Variants in DIAPH2 observed in about 807,000 individuals in gnomAD.
DIAPH2 encodes protein diaphanous homolog 2.
DIAPH2 carries 35 observed loss-of-function variants against 92.7 expected under a neutral mutation model. That is an observed-to-expected ratio of 0.38 (90% CI 0.29 to 0.50). DIAPH2 has a LOEUF of 0.50. DIAPH2 is among the 20% of genes least tolerant of loss of function. The pLI is 0.94. For missense variants in DIAPH2, 701 were observed against 819.5 expected (o/e 0.86, Z 1.77); for synonymous variants, 301 against 280.4 (o/e 1.07, Z -0.73).
intron 22 of DIAPH2, among the ~76,000 whole-genome samples, chrX:97,144,857 C>T (rs951354996): frequency 1.8e-5 from 2 of 111,599 alleles, no homozygotes; most frequent in Non-Finnish European, 3.8e-5. Context: ...ATCTGCCTCC[C>T]GCGCTCAAGC....
At chrX:97,543,043 T>C (rs764108353) in intron 26 of DIAPH2, among the ~76,000 whole-genome samples, 175 of 112,461 alleles carry the variant, frequency 1.6e-3, no homozygotes, top group Non-Finnish European at 2.8e-3. Context: ...AAATCATTGT[T>C]CACGATTCTG....
intron 26 of DIAPH2, among the ~76,000 whole-genome samples, chrX:97,449,345 A>G (rs923849391): frequency 8.9e-6 from 1 of 112,002 alleles, no homozygotes; most frequent in Non-Finnish European, 1.9e-5. Context: ...TAGCATTCAA[A>G]TCTGGTGTTA....
At chrX:97,061,441 T>C (rs2066596740) in intron 17 of DIAPH2, among the ~76,000 whole-genome samples, 1 of 112,009 alleles carries the variant, frequency 8.9e-6, no homozygotes, top group African/African-American at 3.2e-5. Flanking sequence ...TTTTGCATAT[T>C]CCAAGTCTTT....
chrX:97,055,924 G>A (rs1392502907), intron 17 of DIAPH2, among the ~76,000 whole-genome samples: 3 of 111,743 alleles, frequency 2.7e-5, no homozygotes, highest in Non-Finnish European at 5.6e-5. Flanking sequence ...AGAGTTGAAT[G>A]ATAGCAAGGT....
intron 3 of DIAPH2, among the ~76,000 whole-genome samples, chrX:96,740,281 A>G (rs1276142819): frequency 9.0e-6 from 1 of 111,639 alleles, no homozygotes; most frequent in Non-Finnish European, 1.9e-5. Context: ...TGTGTCTTTA[A>G]TTGCTAGTAT....
intron 23 of DIAPH2, among the ~76,000 whole-genome samples, chrX:97,283,883 A>G (rs1239012724): frequency 1.8e-5 from 2 of 112,476 alleles, no homozygotes; most frequent in African/African-American, 3.2e-5. Flanking sequence ...TGGAGGTTGC[A>G]GTGAGTCGAG....
chrX:97,269,632 C>A (rs991923753), intron 23 of DIAPH2, among the ~76,000 whole-genome samples: 3 of 111,674 alleles, frequency 2.7e-5, no homozygotes, highest in African/African-American at 9.8e-5. Flanking sequence ...AGGAAGCATA[C>A]TGGGTCAGTT....
rs181983660 is a variant in DIAPH2 at position 97,391,339 on chromosome X, T to C, written c.3145+7295T>C. Among the ~76,000 whole-genome samples the C allele has an allele frequency of 5.6e-3, 629 of 111,668 alleles. 2 individuals are homozygous for C. Among genetic ancestry groups the C allele is most frequent in the African/African-American group, 0.019 (595 of 30,745 alleles). On this transcript the variant is annotated intron_variant, in intron 25 of 26. Coordinates refer to ENST00000324765, the MANE Select transcript of DIAPH2 (RefSeq NM_006729.5). ...ATGGGGCGTGAAAGCCTATGGAAGA[T>C]GTGAGTGAAGTGTCATCAGAAAGTG...
In DIAPH2 at chrX:96,939,668, A is replaced by ATT. The variant is rs752101731; in HGVS notation, c.1325+299_1325+300dup. Among the ~76,000 whole-genome samples, 15 of 48,239 alleles carry ATT rather than the reference A, an allele frequency of 3.1e-4. 2 individuals carry two copies. Among genetic ancestry groups the ATT allele is most frequent in the East Asian group, 5.4e-4 (1 of 1,860 alleles). The allele number at this position is 48,239 out of a possible 115,157, so 41.9% of individuals were successfully genotyped here. A position where few individuals can be genotyped will look rare whatever the true frequency, so the allele number is the denominator to read the frequency against. On this transcript the variant is annotated intron_variant, in intron 12 of 26. Transcript: ENST00000324765. ...ATAAGAGTTTGACTCTTTAGGTAACATTTTTTTTTTTTTTGAGACGGAGTT... is the reference window on the plus strand; with the variant it reads ...ATAAGAGTTTGACTCTTTAGGTAACATTTTTTTTTTTTTTTTGAGACGGAGTT...
chrX:96,754,850 G>A (rs6620151), intron 3 of DIAPH2, among the ~76,000 whole-genome samples: 9,400 of 101,402 alleles, frequency 0.093, 499 homozygotes, highest in East Asian at 0.32. Flanking sequence ...CTTGAACTTG[G>A]GAAGCGGAGG....
At chrX:97,129,089 ATCTTTTCTTTTCTTTTCTTT>A (rs771560890) in intron 21 of DIAPH2, among the ~76,000 whole-genome samples, 1,584 of 64,456 alleles carry the variant, frequency 0.025, 23 homozygotes, top group Non-Finnish European at 0.035. Flanking sequence ...TGTCTATACC[ATCTTTTCTTTTCTTTTCTTT>A]TCTTTTCTTT....
chrX:97,526,800 A>G (rs1394014054), intron 26 of DIAPH2, among the ~76,000 whole-genome samples: 1 of 111,821 alleles, frequency 8.9e-6, no homozygotes, highest in Non-Finnish European at 1.9e-5. Flanking sequence ...CACCTTTCCT[A>G]GTCCACACCC....
At chrX:97,353,247 G>A (rs763994103) in intron 24 of DIAPH2, among the ~76,000 whole-genome samples, 8 of 110,758 alleles carry the variant, frequency 7.2e-5, no homozygotes, top group Non-Finnish European at 1.3e-4. Context: ...ATAGTTGACT[G>A]CACAAATAGT....
intron 22 of DIAPH2, among the ~76,000 whole-genome samples, chrX:97,232,824 G>A (rs1358164465): frequency 3.6e-5 from 4 of 111,890 alleles, no homozygotes; most frequent in Non-Finnish European, 5.6e-5. Context: ...CCCCACAACA[G>A]CAATTCCAAA....
At chrX:97,220,984 A>G (rs939973306) in intron 22 of DIAPH2, among the ~76,000 whole-genome samples, 1 of 111,844 alleles carries the variant, frequency 8.9e-6, no homozygotes, top group African/African-American at 3.2e-5. Context: ...TTGCTGTACC[A>G]TCTATTTGTG....
At chrX:97,044,462 A>T (rs1213749368) in intron 17 of DIAPH2, among the ~76,000 whole-genome samples, 1 of 111,291 alleles carries the variant, frequency 9.0e-6, no homozygotes, top group African/African-American at 3.3e-5. Flanking sequence ...TTCATTAACA[A>T]ATCTAGAAGC....
intron 25 of DIAPH2, among the ~76,000 whole-genome samples, chrX:97,401,356 G>A (rs2069755215): frequency 9.1e-6 from 1 of 110,287 alleles, no homozygotes; most frequent in South Asian, 4.0e-4. Context: ...TCTGATTTAG[G>A]GCCTTGCATA....
At chrX:97,072,032 T>G (rs2066673012) in intron 17 of DIAPH2, among the ~76,000 whole-genome samples, 1 of 112,211 alleles carries the variant, frequency 8.9e-6, no homozygotes, top group Non-Finnish European at 1.9e-5. Context: ...GCCCCATTAC[T>G]TACAACCCTG....
intron 17 of DIAPH2, among the ~76,000 whole-genome samples, chrX:96,971,269 C>G (rs1438964962): frequency 8.9e-6 from 1 of 111,992 alleles, no homozygotes; most frequent in Non-Finnish European, 1.9e-5. Context: ...TGCATTCCAG[C>G]TGTGATACTT....
Sources: allele counts gnomAD v4.1 joint callset (sites outside exome capture counted in the v4.1 genomes callset), GRCh38; gene constraint gnomAD v4.1.1; transcripts MANE v1.5; gene names NCBI Gene and HGNC (gene_info 2026-07-23, HGNC 2026-07-21).